DENND5A: variants seen among roughly 807,000 people sequenced by gnomAD.
DENND5A encodes DENN domain-containing protein 5A.
Under a neutral mutation model 140.3 loss-of-function variants are expected in DENND5A, and 64 were observed. The observed-to-expected ratio is 0.46, with a 90% CI of 0.37 to 0.56. The LOEUF (loss-of-function observed/expected upper bound fraction) is 0.56. Ranked by LOEUF, DENND5A falls within the 20% of genes least tolerant of loss-of-function variation. The pLI is 0.00. For missense variants in DENND5A, 1,292 were observed against 1,593.8 expected (o/e 0.81, Z 3.22); for synonymous variants, 605 against 607.7 (o/e 1.00, Z 0.07).
At chr11:9,159,421 A>C (rs1292089898) in intron 12 of DENND5A, among the ~76,000 whole-genome samples, 2 of 151,556 alleles carry the variant, frequency 1.3e-5, no homozygotes, top group East Asian at 1.9e-4. Flanking sequence ...CCTGGGTTCA[A>C]GCGATCCTCC....
chr11:9,178,399 G>A, intron 7 of DENND5A, 33 bp from the exon 8 acceptor site: 1 of 1,365,710 alleles, frequency 7.3e-7, no homozygotes, highest in Non-Finnish European at 1.0e-6. Flanking sequence ...GTAATTGACA[G>A]GGAAAAGGGT....
intron 5 of DENND5A, among the ~76,000 whole-genome samples, chr11:9,192,854 T>A (rs930288395): frequency 3.3e-5 from 5 of 152,198 alleles, no homozygotes; most frequent in Non-Finnish European, 1.5e-5. Context: ...CTAAAAAAAT[T>A]AAAAATAAAA....
At chr11:9,199,224 G>A (rs141651926) in intron 4 of DENND5A, among the ~76,000 whole-genome samples, 1,968 of 151,992 alleles carry the variant, frequency 0.013, 43 homozygotes, top group African/African-American at 0.044. Flanking sequence ...AAGGCCAGGT[G>A]CAGTGGCTCA....
intron 1 of DENND5A, among the ~76,000 whole-genome samples, chr11:9,254,494 T>C (rs11042246): frequency 0.16 from 24,814 of 152,164 alleles, 2,252 homozygotes; most frequent in Non-Finnish European, 0.21. Flanking sequence ...AAGAACTCTT[T>C]CCGTACTTCA....
Position 9,139,970 on chromosome 11 carries a change from C to CA in DENND5A, c.3681-117dup. On this transcript the variant is annotated intron_variant, in intron 22 of 22. Transcript: ENST00000328194. ...CTAAGTCTGAAGCTGGAGAAGCTGA[C>CA]AGCCCCCCACACCCCCCTTTCCCAA... The CA allele has an allele frequency of 2.7e-6, 3 of 1,115,174 alleles. No individual in the cohort carries two copies. In the South Asian group the frequency reaches 4.6e-5, roughly 17 times the overall value. The allele number at this position is 1,115,174 out of a possible 1,614,324, so 69.1% of individuals were successfully genotyped here. A position where few individuals can be genotyped will look rare whatever the true frequency, so the allele number is the denominator to read the frequency against.
chr11:9,157,143 G>A (rs1483561498), intron 12 of DENND5A, among the ~76,000 whole-genome samples: 2 of 152,090 alleles, frequency 1.3e-5, no homozygotes, highest in Admixed American at 6.5e-5. Context: ...TGCCAGGCTT[G>A]CTAAATGTTA....
intron 1 of DENND5A, among the ~76,000 whole-genome samples, chr11:9,256,918 A>G (rs1851971004): frequency 6.6e-6 from 1 of 152,238 alleles, no homozygotes; most frequent in Non-Finnish European, 1.5e-5. Context: ...TTGTTTATAT[A>G]TGGACACACA....
intron 1 of DENND5A, among the ~76,000 whole-genome samples, chr11:9,214,715 G>T (rs1242612940): frequency 6.6e-6 from 1 of 151,772 alleles, no homozygotes; most frequent in African/African-American, 2.4e-5. Flanking sequence ...CCACCCACAA[G>T]ACTTTTTTGT....
chr11:9,185,443 G>C (rs1848877583), intron 5 of DENND5A, among the ~76,000 whole-genome samples: 1 of 152,054 alleles, frequency 6.6e-6, no homozygotes, highest in Admixed American at 6.6e-5. Flanking sequence ...GCTCTTCCTT[G>C]AGTGTGTATC....
At chr11:9,183,507 G>GC (rs1848803999) in intron 5 of DENND5A, among the ~76,000 whole-genome samples, 2 of 151,624 alleles carry the variant, frequency 1.3e-5, no homozygotes, top group Admixed American at 6.6e-5. Context: ...CACAGTCATG[G>GC]CTCACTGCAG....
At chr11:9,174,152 A>C (rs1848474638) in intron 8 of DENND5A, among the ~76,000 whole-genome samples, 1 of 150,582 alleles carries the variant, frequency 6.6e-6, no homozygotes, top group South Asian at 2.1e-4. Flanking sequence ...GAAAATATTC[A>C]ATTAGTACAC....
chr11:9,228,565 A>AT lies in DENND5A; in HGVS notation c.110-20934dup, dbSNP rs560138561. ...GGAGTTCGAGACCAGCCTGAACAAC[A>AT]TAGTGAAACCCCATTTCTATTAAAA... On this transcript the variant is annotated intron_variant, in intron 1 of 22. Transcript: ENST00000328194. 2.8e-4 allele frequency among the ~76,000 whole-genome samples: 43 copies of AT among 152,234 alleles called. No homozygotes were observed. The East Asian group carries it at 7.1e-3, about 25-fold the overall frequency.
intron 16 of DENND5A, 64 bp downstream of exon 16, chr11:9,146,966 G>A (rs1847451005): frequency 2.6e-6 from 4 of 1,547,918 alleles, no homozygotes; most frequent in Admixed American, 3.5e-5. Context: ...GACAATGAGT[G>A]AGTCTCAGGC....
chr11:9,180,044 T>C (rs975002905), intron 6 of DENND5A, among the ~76,000 whole-genome samples: 5 of 152,210 alleles, frequency 3.3e-5, no homozygotes, highest in African/African-American at 9.7e-5. Context: ...CTCAGCTACA[T>C]ATTAGGCATT....
intron 11 of DENND5A, among the ~76,000 whole-genome samples, chr11:9,162,984 G>T (rs1184256481): frequency 6.6e-6 from 1 of 151,874 alleles, no homozygotes. Context: ...GATCACAGGT[G>T]TGTGCTGATA....
intron 22 of DENND5A, 115 bp from the exon 23 acceptor site, chr11:9,139,969 A>G (rs1847182726): frequency 9.0e-7 from 1 of 1,111,492 alleles, no homozygotes; most frequent in Admixed American, 2.3e-5. Flanking sequence ...GGAGAAGCTG[A>G]CAGCCCCCCA....
intron 8 of DENND5A, chr11:9,171,058 A>G (rs1390260291): frequency 2.7e-6 from 1 of 371,062 alleles, no homozygotes; most frequent in Non-Finnish European, 4.8e-6. Flanking sequence ...CTGCTTAGAG[A>G]AAGCTTCCAG....
chr11:9,179,878 A>T (rs1262127448), intron 6 of DENND5A, among the ~76,000 whole-genome samples: 1 of 152,204 alleles, frequency 6.6e-6, no homozygotes, highest in African/African-American at 2.4e-5. Flanking sequence ...CTAGTCTACT[A>T]AGCAAAAAAA....
intron 1 of DENND5A, among the ~76,000 whole-genome samples, chr11:9,264,217 T>C (rs72861322): frequency 0.011 from 1,622 of 152,230 alleles, 14 homozygotes; most frequent in Admixed American, 0.016. Flanking sequence ...CATCTTTGAC[T>C]CCCCTCATCA....
Sources: gnomAD v4.1 joint callset for allele counts (sites outside exome capture counted in the v4.1 genomes callset) on GRCh38, gnomAD v4.1.1 for gene constraint, MANE v1.5 for transcripts, NCBI Gene and HGNC (gene_info 2026-07-23, HGNC 2026-07-21) for gene names.